RGS6: variants seen among roughly 807,000 people sequenced by gnomAD.
RGS6 encodes regulator of G-protein signaling 6.
A neutral mutation model predicts 78.5 loss-of-function variants in RGS6; 30 were observed. That is an observed-to-expected ratio of 0.38 (90% CI 0.29 to 0.52). The LOEUF (loss-of-function observed/expected upper bound fraction) is 0.52, where lower values mean the gene tolerates loss of function less well. RGS6 is among the 20% of genes least tolerant of loss of function. The pLI, the probability that RGS6 is intolerant of heterozygous loss-of-function variation, is 0.85. For synonymous variants in RGS6, 206 were observed against 206.0 expected (o/e 1.00, Z 0.00); for missense variants, 495 against 609.7 (o/e 0.81, Z 1.98).
At chr14:72,141,362 C>A (rs1046504475) in intron 2 of RGS6, among the ~76,000 whole-genome samples, 2 of 152,162 alleles carry the variant, frequency 1.3e-5, no homozygotes, top group Non-Finnish European at 2.9e-5. Flanking sequence ...CTTCTGCATA[C>A]CTCTGTGGAG....
chr14:72,453,183 T>TGA (rs2095538809), intron 3 of RGS6, among the ~76,000 whole-genome samples: 1 of 152,094 alleles, frequency 6.6e-6, no homozygotes, highest in East Asian at 1.9e-4. Flanking sequence ...CAAGGCTGAT[T>TGA]TAACTGGGTC....
At chr14:72,393,376 A>G (rs942889241) in intron 3 of RGS6, among the ~76,000 whole-genome samples, 4 of 152,230 alleles carry the variant, frequency 2.6e-5, no homozygotes, top group African/African-American at 9.6e-5. Flanking sequence ...CTGATGTCCA[A>G]GCTGCCCAGA....
the RGS6 span, among the ~76,000 whole-genome samples, chr14:71,877,698 C>T: frequency 6.6e-6 from 1 of 152,350 alleles, no homozygotes; most frequent in African/African-American, 2.4e-5. Context: ...CAAAGTCGTT[C>T]TCCATCCAGC....
chr14:72,245,832 C>T (rs1168410266), intron 2 of RGS6, among the ~76,000 whole-genome samples: 1 of 152,106 alleles, frequency 6.6e-6, no homozygotes, highest in South Asian at 2.1e-4. Flanking sequence ...TGTGTTAGGA[C>T]AGAAAAAGTA....
intron 2 of RGS6, among the ~76,000 whole-genome samples, chr14:71,988,119 G>C (rs536325329): frequency 2.0e-5 from 3 of 152,306 alleles, no homozygotes; most frequent in Non-Finnish European, 4.4e-5. Flanking sequence ...GGAAGAGTCT[G>C]ACCCTGGGCG....
chr14:72,431,747 C>G (rs1282702352), intron 3 of RGS6, among the ~76,000 whole-genome samples: 1 of 152,122 alleles, frequency 6.6e-6, no homozygotes, highest in Non-Finnish European at 1.5e-5. Context: ...GCACCCATCA[C>G]CAGGCCCCCA....
chr14:72,478,190 C>T (rs2096284832), intron 11 of RGS6, 78 bp from the exon 12 acceptor site: 7 of 1,007,022 alleles, frequency 7.0e-6, no homozygotes, highest in Non-Finnish European at 1.1e-5. Flanking sequence ...GGTGGAAATG[C>T]AGGATTTGGG....
At chr14:71,916,756 G>C in the RGS6 span, among the ~76,000 whole-genome samples, 91 of 152,268 alleles carry the variant, frequency 6.0e-4, no homozygotes, top group East Asian at 0.014. Flanking sequence ...TGAGGAGCTG[G>C]TCCGTGTCGG....
intron 2 of RGS6, among the ~76,000 whole-genome samples, chr14:72,011,041 T>G (rs2085577680): frequency 6.6e-6 from 1 of 152,244 alleles, no homozygotes; most frequent in Admixed American, 6.5e-5. Context: ...AGTGTTGTTC[T>G]ATTCTAAAAT....
chr14:72,140,852 C>T (rs2096529457), intron 2 of RGS6, among the ~76,000 whole-genome samples: 1 of 152,190 alleles, frequency 6.6e-6, no homozygotes, highest in Non-Finnish European at 1.5e-5. Context: ...CTGTGAGGGT[C>T]CTTGCAATGG....
chr14:72,024,758 G>C (rs2089489935), intron 2 of RGS6, among the ~76,000 whole-genome samples: 1 of 152,170 alleles, frequency 6.6e-6, no homozygotes, highest in South Asian at 2.1e-4. Context: ...TTCCAGCCCA[G>C]GACAGTCTGC....
intron 2 of RGS6, among the ~76,000 whole-genome samples, chr14:71,979,684 G>C (rs1467909888): frequency 1.3e-5 from 2 of 152,128 alleles, no homozygotes; most frequent in East Asian, 1.9e-4. Flanking sequence ...TTACTTCCAA[G>C]TATGTGGTCA....
In RGS6 at chr14:72,563,162, G is replaced by A. The variant is rs924389649; in HGVS notation, c.*695G>A. 4 of 243,800 alleles carry A rather than the reference G, an allele frequency of 1.6e-5. No homozygotes were observed. Among genetic ancestry groups the A allele is most frequent in the East Asian group, 8.6e-5 (1 of 11,684 alleles). The allele number at this position is 243,800 out of a possible 1,614,324, so 15.1% of individuals were successfully genotyped here. A position where few individuals can be genotyped will look rare whatever the true frequency, so the allele number is the denominator to read the frequency against. On this transcript the variant is annotated 3_prime_UTR_variant, in exon 18 of 18. Transcript: ENST00000553525. The stretch of plus-strand genomic sequence containing the variant: ...TGGCTGCCCTCAGGTCCCGTCACAT[G>A]TCTCAAGGGTCCAGCGTTCGAGGAA...
intron 3 of RGS6, among the ~76,000 whole-genome samples, chr14:72,446,876 A>G (rs1479856606): frequency 6.6e-6 from 1 of 152,144 alleles, no homozygotes; most frequent in Non-Finnish European, 1.5e-5. Context: ...CTGATCTGAC[A>G]GGAGGCAGAG....
the RGS6 span, among the ~76,000 whole-genome samples, chr14:71,888,494 T>C: frequency 2.0e-5 from 3 of 151,990 alleles, no homozygotes; most frequent in Admixed American, 6.6e-5. Flanking sequence ...CTGCTTCCTA[T>C]TGATTGAGGC....
At chr14:72,498,032 T>A (rs1033815913) in intron 13 of RGS6, among the ~76,000 whole-genome samples, 6 of 152,190 alleles carry the variant, frequency 3.9e-5, no homozygotes, top group African/African-American at 1.2e-4. Flanking sequence ...ATCACTGCTT[T>A]GATTTTCACT....
chr14:72,554,020 C>T (rs997472776), intron 17 of RGS6, among the ~76,000 whole-genome samples: 1 of 152,246 alleles, frequency 6.6e-6, no homozygotes, highest in African/African-American at 2.4e-5. Flanking sequence ...GAAAACGCTG[C>T]TTAGTCTGTT....
intron 2 of RGS6, among the ~76,000 whole-genome samples, chr14:72,268,620 C>T (rs954842791): frequency 6.6e-6 from 1 of 152,206 alleles, no homozygotes; most frequent in Non-Finnish European, 1.5e-5. Flanking sequence ...ATTTCATTCA[C>T]CAGTTACTAT....
At chr14:72,253,210 T>A (rs190090133) in intron 2 of RGS6, among the ~76,000 whole-genome samples, 1 of 152,364 alleles carries the variant, frequency 6.6e-6, no homozygotes, top group East Asian at 1.9e-4. Context: ...TGCTCTTCTC[T>A]CTGCCATGAG....
Sources: allele counts gnomAD v4.1 joint callset (sites outside exome capture counted in the v4.1 genomes callset), GRCh38; gene constraint gnomAD v4.1.1; transcripts MANE v1.5; gene names NCBI Gene and HGNC (gene_info 2026-07-23, HGNC 2026-07-21).